PLB1: variants seen among roughly 807,000 people sequenced by gnomAD.
PLB1 encodes phospholipase B1, membrane-associated.
PLB1 carries 242 observed loss-of-function variants against 227.4 expected under a neutral mutation model. The observed-to-expected ratio is 1.06, with a 90% confidence interval of 0.96 to 1.18. The LOEUF is 1.18. Ranked by LOEUF, PLB1 falls within the 50% of genes most tolerant of loss-of-function variation. PLB1 has a pLI of 0.00. For synonymous variants in PLB1, 757 were observed against 682.2 expected, an observed-to-expected ratio of 1.11 and a Z score of -1.71; for missense variants, 1,858 against 1,816.3, an observed-to-expected ratio of 1.02 and a Z score of -0.42.
At chr2:28,579,515 T>G in intron 22 of PLB1, 112 bp from the exon 23 acceptor site, 5 of 769,400 alleles carry the variant, frequency 6.5e-6, no homozygotes, top group African/African-American at 1.7e-5. Flanking sequence ...CAGAAGTCCA[T>G]GAGACACTCT....
At chr2:28,633,444 T>C (rs1330872805) in intron 56 of PLB1, 1 of 188,074 alleles carries the variant, frequency 5.3e-6, no homozygotes, top group Admixed American at 5.5e-5. Context: ...AGACAACGCA[T>C]TGAGATCATG....
chr2:28,635,773 T>C (rs986901715), intron 56 of PLB1, among the ~76,000 whole-genome samples: 3 of 152,252 alleles, frequency 2.0e-5, no homozygotes, highest in Non-Finnish European at 4.4e-5. Flanking sequence ...TGTCTTCTTA[T>C]CTGAAGAAGT....
At position 28,618,370 on chromosome 2, in the gene PLB1, G is replaced by C. The variant is rs1346935775; in HGVS notation, c.3286G>C (p.Val1096Leu). 1.9e-6 allele frequency: 3 copies of C among 1,614,144 alleles called. No individual in the cohort carries two copies. Among genetic ancestry groups the C allele is most frequent in the East Asian group, 4.5e-5 (2 of 44,882 alleles). The change falls in exon 46 of 58, where the codon GTG becomes CTG. Residue 1096 changes from valine to leucine, a missense_variant. Val to Leu is a conservative substitution (Grantham distance 32, BLOSUM62 1). Coordinates refer to ENST00000327757, the MANE Select transcript of PLB1 (RefSeq NM_153021.5). ...VHQLRPADIK[V>L]VAALGDSLTT... ...CCAGCTCCGACCAGCAGACATCAAAGTGGTGGCCGCCCTGGGTGACTCTCT... is the reference window on the plus strand; with the variant it reads ...CCAGCTCCGACCAGCAGACATCAAACTGGTGGCCGCCCTGGGTGACTCTCT...
chr2:28,621,264 C>T (rs1253251754), intron 49 of PLB1, among the ~76,000 whole-genome samples: 1 of 152,142 alleles, frequency 6.6e-6, no homozygotes, highest in Non-Finnish European at 1.5e-5. Flanking sequence ...TGTGCTATTA[C>T]CGCCTCTCCA....
At chr2:28,554,605 C>T (rs954076641) in intron 17 of PLB1, among the ~76,000 whole-genome samples, 5 of 149,606 alleles carry the variant, frequency 3.3e-5, no homozygotes. Context: ...AGGCATAAAC[C>T]AGCTCACCTG....
At chr2:28,509,046 ACAGGGAAG>A (rs1008927422) in intron 1 of PLB1, among the ~76,000 whole-genome samples, 1 of 152,172 alleles carries the variant, frequency 6.6e-6, no homozygotes, top group African/African-American at 2.4e-5. Flanking sequence ...CATGAAGAAG[ACAGGGAAG>A]CTAGTCCTAT....
At chr2:28,612,017 G>A (rs1685523117) in intron 43 of PLB1, among the ~76,000 whole-genome samples, 2 of 152,108 alleles carry the variant, frequency 1.3e-5, no homozygotes, top group Non-Finnish European at 2.9e-5. Context: ...GTGGTGGCAG[G>A]TGCCTGTAGT....
chr2:28,632,150 A>G lies in PLB1; in HGVS notation c.4002+10A>G. The G allele has an allele frequency of 1.2e-6, 2 of 1,603,128 alleles. No individual in the cohort carries two copies. The highest frequency in any genetic ancestry group is 1.7e-6 in the Non-Finnish European group (2 of 1,170,338). On this transcript the variant is annotated intron_variant, in intron 55 of 57. Transcript: ENST00000327757. ...CACCCCACTGAACGAGGTGAGCTGC[A>G]GGTATTTTAGGGAGGCTCACGTATG...
chr2:28,552,528 T>C (rs772668416), intron 16 of PLB1, among the ~76,000 whole-genome samples: 1 of 152,186 alleles, frequency 6.6e-6, no homozygotes, highest in Admixed American at 6.5e-5. Context: ...ACAAACAACA[T>C]GGATAAAAAT....
rs145020838 is a variant in PLB1 at position 28,600,817 on chromosome 2, T to C, written c.2483T>C (p.Met828Thr). ...TTTTCTCTCTTTCTCAGGGATCTTA[T>C]GAGCCAAGTCCAAACTCTGATGCAG... ...AVPGAKAEDL[M>T]SQVQTLMQKM... The change falls in exon 36 of 58, where the codon ATG (methionine) becomes ACG (threonine). Residue 828 changes from methionine (M) to threonine (T), a missense_variant. By Grantham distance (81) the Met-to-Thr change is moderately conservative. Coordinates refer to ENST00000327757, the MANE Select transcript of PLB1 (RefSeq NM_153021.5). The C allele has an allele frequency of 1.6e-5, 26 of 1,613,466 alleles. No individual in the cohort carries two copies. In the African/African-American group the frequency reaches 1.9e-4, roughly 12 times the overall value.
chr2:28,620,278 C>T lies in PLB1; in HGVS notation c.3329C>T (p.Ala1110Val). Residue 1110 changes from alanine to valine, a missense_variant, in exon 47 of 58, where the codon GCT becomes GTT. Ala to Val is a moderately conservative substitution (Grantham distance 64). Transcript: ENST00000327757. The part of the protein sequence containing the change: ...LGDSLTTAVG[A>V]RPNNSSDLPT... ...TGCTTTTTACAGACAGCAGTGGGAG[C>T]TCGACCAAACAACTCCAGTGACCTA... The T allele has an allele frequency of 1.2e-6, 2 of 1,603,460 alleles. No individual in the cohort carries two copies. The highest frequency in any genetic ancestry group is 1.7e-6 in the Non-Finnish European group (2 of 1,173,640).
chr2:28,587,280 A>AGGAATCAT lies in PLB1; in HGVS notation c.1815+1450_1815+1457dup, dbSNP rs1206761434. ...AGCTAGGGTCCGGAGCTATGCCATC[A>AGGAATCAT]GGAATCATGGAATCATGGACTTCTA... On this transcript the variant is annotated intron_variant, in intron 26 of 57. Transcript: ENST00000327757. Among the ~76,000 whole-genome samples, 10 of 152,330 alleles carry AGGAATCAT rather than the reference A, an allele frequency of 6.6e-5. No homozygotes were observed. The East Asian group carries it at 1.7e-3, about 26-fold the overall frequency.
At chr2:28,554,402 A>C (rs2148226510) in intron 17 of PLB1, among the ~76,000 whole-genome samples, 2 of 149,650 alleles carry the variant, frequency 1.3e-5, no homozygotes, top group South Asian at 4.2e-4. Context: ...ATTGTGGCTC[A>C]CTGCAGCCTC....
chr2:28,632,277 A>C, intron 55 of PLB1, 137 bp downstream of exon 55: 1 of 671,676 alleles, frequency 1.5e-6, no homozygotes, highest in Non-Finnish European at 2.5e-6. Flanking sequence ...GGCTTTTTCC[A>C]CATTACCTCC....
intron 34 of PLB1, among the ~76,000 whole-genome samples, 168 bp from the exon 35 acceptor site, chr2:28,598,484 G>C (rs80201294): frequency 0.048 from 7,287 of 152,136 alleles, 568 homozygotes; most frequent in African/African-American, 0.16. Flanking sequence ...TGTCAACTTA[G>C]GGTGGTCCCA....
chr2:28,617,683 C>T (rs1686387130), intron 44 of PLB1, 44 bp from the exon 45 acceptor site: 1 of 1,590,058 alleles, frequency 6.3e-7, no homozygotes, highest in Admixed American at 1.7e-5. Context: ...TATCTCCCTG[C>T]ACAATGAGTG....
chr2:28,563,409 C>T lies in PLB1; in HGVS notation c.1206+310C>T, dbSNP rs2148239062. On this transcript the variant is annotated intron_variant, in intron 18 of 57. Transcript: ENST00000327757. ...GAGTGACCCACCCCAAGTCACACAG[C>T]TGGTCAGCGGTGGGGCAGGATTGGA... is the stretch of plus-strand genomic sequence containing the variant. Among the ~76,000 whole-genome samples the T allele has an allele frequency of 2.6e-5, 4 of 152,222 alleles. 1 individual carries two copies. Among genetic ancestry groups the T allele is most frequent in the Admixed American group, 2.6e-4 (4 of 15,304 alleles).
In PLB1 at chr2:28,598,059, A is replaced by G. The variant is rs566757220; in HGVS notation, c.2365+11A>G. 3 of 1,609,758 alleles carry G rather than the reference A, an allele frequency of 1.9e-6. No homozygotes were observed. Among genetic ancestry groups the G allele is most frequent in the South Asian group, 2.2e-5 (2 of 90,718 alleles). ...TGACCACCTTACCTAGTAAGTAACC[A>G]TCAGGGGCTTGAATCTGTCTACTGT... On this transcript the variant is annotated intron_variant, in intron 34 of 57. Transcript: ENST00000327757.
chr2:28,543,337 C>T (rs879063868), intron 14 of PLB1, 69 bp downstream of exon 14: 23 of 1,525,020 alleles, frequency 1.5e-5, no homozygotes, highest in Admixed American at 3.9e-5. Context: ...CTGAGCCCAC[C>T]GTGCTGAGGA....
Sources: gnomAD v4.1 joint callset for allele counts (sites outside exome capture counted in the v4.1 genomes callset) on GRCh38, gnomAD v4.1.1 for gene constraint, MANE v1.5 for transcripts, NCBI Gene and HGNC (gene_info 2026-07-23, HGNC 2026-07-21) for gene names.